Variants in ZBTB20 observed in about 807,000 individuals in gnomAD.
ZBTB20 encodes zinc finger and BTB domain-containing protein 20.
A neutral mutation model predicts 56.9 loss-of-function variants in ZBTB20; 9 were observed. The observed-to-expected ratio is 0.16, with a 90% confidence interval of 0.10 to 0.28. The LOEUF (loss-of-function observed/expected upper bound fraction) is 0.28. Ranked by LOEUF, ZBTB20 falls within the 10% of genes least tolerant of loss-of-function variation. The probability of loss-of-function intolerance (pLI) is 1.00; values close to 1 mark genes in which losing one functional copy is unlikely to be tolerated. For missense variants in ZBTB20, 655 were observed against 1,003.0 expected (o/e 0.65, Z 4.69); for synonymous variants, 417 against 420.7 (o/e 0.99, Z 0.11).
At chr3:114,703,670 T>C (rs1198932611) in intron 5 of ZBTB20, among the ~76,000 whole-genome samples, 2 of 152,070 alleles carry the variant, frequency 1.3e-5, no homozygotes, top group South Asian at 2.1e-4. Flanking sequence ...AAACAGACAG[T>C]GATATGAAAG....
chr3:115,125,099 T>C (rs934790291), intron 1 of ZBTB20, among the ~76,000 whole-genome samples: 1 of 151,882 alleles, frequency 6.6e-6, no homozygotes, highest in Non-Finnish European at 1.5e-5. Flanking sequence ...TCCCAGCACT[T>C]TGGAAAACCA....
At chr3:115,102,817 T>A (rs2083620137) in intron 1 of ZBTB20, 1 of 151,892 alleles carries the variant, frequency 6.6e-6, no homozygotes, top group Admixed American at 6.6e-5. Flanking sequence ...ATACAAAAAT[T>A]AGCTGGGGGT....
intron 6 of ZBTB20, among the ~76,000 whole-genome samples, chr3:114,548,293 T>C (rs1386529030): frequency 6.6e-6 from 1 of 152,202 alleles, no homozygotes; most frequent in Non-Finnish European, 1.5e-5. Flanking sequence ...TGAAGTGGGC[T>C]CTGTTCATCC....
At chr3:114,830,338 T>C (rs1560296923) in intron 4 of ZBTB20, among the ~76,000 whole-genome samples, 1 of 151,966 alleles carries the variant, frequency 6.6e-6, no homozygotes, top group Non-Finnish European at 1.5e-5. Context: ...TTTAAATAAG[T>C]TGATTTATAA....
intron 5 of ZBTB20, among the ~76,000 whole-genome samples, chr3:114,715,445 T>A (rs2108462947): frequency 6.6e-6 from 1 of 152,312 alleles, no homozygotes; most frequent in East Asian, 1.9e-4. Flanking sequence ...AGAGAAATGG[T>A]ACATTCAGCT....
intron 6 of ZBTB20, chr3:114,527,147 C>T (rs2047316792): frequency 6.6e-6 from 1 of 151,972 alleles, no homozygotes; most frequent in Non-Finnish European, 1.5e-5. Flanking sequence ...AGATGAGCCA[C>T]ATTTAACTTT....
chr3:114,784,323 T>G (rs866644804), intron 5 of ZBTB20, among the ~76,000 whole-genome samples: 3 of 152,300 alleles, frequency 2.0e-5, no homozygotes, highest in South Asian at 2.1e-4. Flanking sequence ...GTCTAAGCAG[T>G]AGATGAACAG....
intron 7 of ZBTB20, among the ~76,000 whole-genome samples, chr3:114,415,469 A>G (rs2088441858): frequency 6.6e-6 from 1 of 152,080 alleles, no homozygotes; most frequent in Non-Finnish European, 1.5e-5. Flanking sequence ...CTTCACCTGT[A>G]AAGTGTGGGA....
chr3:114,794,818 T>C (rs1446219732), intron 5 of ZBTB20, among the ~76,000 whole-genome samples: 2 of 152,128 alleles, frequency 1.3e-5, no homozygotes, highest in East Asian at 1.9e-4. Flanking sequence ...CCAGTCATGT[T>C]GTAGGTAGTA....
chr3:114,768,287 T>A (rs912042188), intron 5 of ZBTB20, among the ~76,000 whole-genome samples: 1 of 152,030 alleles, frequency 6.6e-6, no homozygotes, highest in South Asian at 2.1e-4. Flanking sequence ...GACCAATAAC[T>A]ATTTAATTAA....
At chr3:114,588,618 C>A (rs116036348) in intron 6 of ZBTB20, among the ~76,000 whole-genome samples, 102 of 152,098 alleles carry the variant, frequency 6.7e-4, no homozygotes, top group African/African-American at 2.5e-3. Context: ...CTGAAAAATC[C>A]CCATGCCTGA....
chr3:114,936,297 C>A (rs1240650286), intron 3 of ZBTB20, among the ~76,000 whole-genome samples: 1 of 152,178 alleles, frequency 6.6e-6, no homozygotes, highest in Non-Finnish European at 1.5e-5. Flanking sequence ...TGCGCACACA[C>A]ACGTATGCAA....
At chr3:114,664,807 A>C (rs562193679) in intron 6 of ZBTB20, among the ~76,000 whole-genome samples, 69 of 152,224 alleles carry the variant, frequency 4.5e-4, no homozygotes, top group Admixed American at 1.1e-3. Flanking sequence ...GAAAATGGGC[A>C]GTGGTACATA....
chr3:115,009,426 T>C (rs1277695356), intron 2 of ZBTB20, among the ~76,000 whole-genome samples: 1 of 151,940 alleles, frequency 6.6e-6, no homozygotes, highest in African/African-American at 2.4e-5. Context: ...CCAACAATGC[T>C]TTCTCATCCC....
At chr3:114,971,413 G>C (rs1240750448) in intron 3 of ZBTB20, among the ~76,000 whole-genome samples, 1 of 152,174 alleles carries the variant, frequency 6.6e-6, no homozygotes, top group Non-Finnish European at 1.5e-5. Flanking sequence ...GTTAGGGAAA[G>C]GATGACATTT....
At chr3:114,576,418 C>T (rs1474065858) in intron 6 of ZBTB20, among the ~76,000 whole-genome samples, 2 of 141,982 alleles carry the variant, frequency 1.4e-5, no homozygotes, top group Non-Finnish European at 3.0e-5. Context: ...AGGAGAACGG[C>T]GTGAACCCGG....
At chr3:114,995,024 T>G (rs1265148427) in intron 2 of ZBTB20, among the ~76,000 whole-genome samples, 1 of 151,922 alleles carries the variant, frequency 6.6e-6, no homozygotes, top group Non-Finnish European at 1.5e-5. Flanking sequence ...ATGTAAATTT[T>G]TAAGTAAACA....
intron 2 of ZBTB20, among the ~76,000 whole-genome samples, chr3:115,043,577 GAAATAAAATAAAATAAAATA>G (rs143409903): frequency 0.5 from 67,498 of 135,440 alleles, 17,809 homozygotes; most frequent in East Asian, 0.68. Flanking sequence ...GTCTCAAAAA[GAAATAAAATAAAATAAAATA>G]AAATAAAATA....
intron 6 of ZBTB20, among the ~76,000 whole-genome samples, chr3:114,524,224 A>G (rs930238981): frequency 5.3e-5 from 8 of 152,224 alleles, no homozygotes; most frequent in African/African-American, 1.9e-4. Context: ...GGGGTAACAA[A>G]GGGATTGAAC....
Sources: gnomAD v4.1 joint callset for allele counts (sites outside exome capture counted in the v4.1 genomes callset) on GRCh38, gnomAD v4.1.1 for gene constraint, MANE v1.5 for transcripts, NCBI Gene and HGNC (gene_info 2026-07-23, HGNC 2026-07-21) for gene names.